DARS2: variants seen among roughly 807,000 people sequenced by gnomAD.
DARS2 encodes the protein aspartyl-tRNA synthetase 2, mitochondrial, also known as aspartate--tRNA ligase, mitochondrial.
A neutral mutation model predicts 83.0 loss-of-function variants in DARS2; 63 were observed. The observed-to-expected ratio is 0.76, with a 90% CI of 0.62 to 0.94. The LOEUF (loss-of-function observed/expected upper bound fraction) is 0.94. DARS2 is among the 40% of genes least tolerant of loss of function. The probability of loss-of-function intolerance (pLI) is 0.00; values close to 1 mark genes in which losing one functional copy is unlikely to be tolerated. For missense variants in DARS2, 675 were observed against 774.4 expected, an observed-to-expected ratio of 0.87 and a Z score of 1.52; for synonymous variants, 250 against 269.3, an observed-to-expected ratio of 0.93 and a Z score of 0.70.
intron 5 of DARS2, among the ~76,000 whole-genome samples, chr1:173,832,876 G>A (rs761579624): frequency 6.6e-6 from 1 of 151,704 alleles, no homozygotes; most frequent in South Asian, 2.1e-4. Flanking sequence ...TGTAGTCAGC[G>A]TCCCATTCAG....
At chr1:173,838,510 G>A (rs1653089998) in intron 9 of DARS2, among the ~76,000 whole-genome samples, 1 of 151,692 alleles carries the variant, frequency 6.6e-6, no homozygotes, top group Admixed American at 6.6e-5. Flanking sequence ...TAGTATGTGT[G>A]CTGCCAAAAC....
intron 12 of DARS2, 62 bp from the exon 13 acceptor site, chr1:173,850,265 T>C: frequency 4.7e-6 from 7 of 1,479,920 alleles, no homozygotes; most frequent in Non-Finnish European, 6.3e-6. Flanking sequence ...TATAAGAAGA[T>C]AAATTAATCC....
Position 173,824,805 on chromosome 1 carries a change from T to TA in DARS2, c.-424dup, listed in dbSNP as rs2102628863. ...TCTGCGAGATTTGAAACGCGACTGT[T>TA]ACTCCTTGTTTTCCGGTTCTGGCCG... On this transcript the variant is annotated 5_prime_UTR_variant, in exon 1 of 17. Transcript: ENST00000649689. 4.9e-6 allele frequency: 1 copy of TA among 205,620 alleles called. No homozygotes were observed. The highest frequency in any genetic ancestry group is 2.3e-5 in the African/African-American group (1 of 43,104). The allele number at this position is 205,620 out of a possible 1,614,324, so 12.7% of individuals were successfully genotyped here.
intron 8 of DARS2, 87 bp downstream of exon 8, chr1:173,837,133 CAA>C: frequency 8.4e-7 from 1 of 1,185,844 alleles, no homozygotes. Context: ...TCTCTGTTCT[CAA>C]GAGAAGGATA....
chr1:173,846,757 C>A (rs1473961987), intron 12 of DARS2, among the ~76,000 whole-genome samples: 1 of 151,962 alleles, frequency 6.6e-6, no homozygotes, highest in East Asian at 1.9e-4. Flanking sequence ...GTTCACCCCA[C>A]CGCACTCCAG....
intron 5 of DARS2, among the ~76,000 whole-genome samples, chr1:173,833,041 A>G (rs1652853242): frequency 1.3e-5 from 2 of 152,170 alleles, no homozygotes; most frequent in Non-Finnish European, 2.9e-5. Flanking sequence ...CAGATACAGC[A>G]TAATGGTGCT....
intron 7 of DARS2, 54 bp downstream of exon 7, chr1:173,834,573 T>G (rs1652907101): frequency 2.9e-6 from 4 of 1,399,078 alleles, no homozygotes; most frequent in Non-Finnish European, 4.1e-6. Context: ...GTTATAAAGC[T>G]AGACTACTTT....
Position 173,825,355 on chromosome 1 carries a change from A to T in DARS2, c.126A>T (p.Pro42=). ...TGCAGAGTTCACAGAGGAGAATTCC[A>T]GGTGAAAATAGCGAAGAGATCTATC... ...SLLQSSQRRI[P]EFSSFVVRTN... Residue 42 remains proline (P), a splice_region_variant and synonymous_variant, in exon 1 of 17, where the codon CCA becomes CCT. Transcript: ENST00000649689. The T allele has an allele frequency of 6.2e-7, 1 of 1,612,816 alleles. No individual in the cohort carries two copies. The highest frequency in any genetic ancestry group is 8.5e-7 in the Non-Finnish European group (1 of 1,179,200).
chr1:173,835,429 C>A lies in DARS2; in HGVS notation c.663+910C>A, dbSNP rs1049699833. On this transcript the variant is annotated intron_variant, in intron 7 of 16. Coordinates refer to ENST00000649689, the MANE Select transcript of DARS2 (RefSeq NM_018122.5). ...TTTAAGAACAAATCTATTGGCCGGG[C>A]GCGGTGGCTCACACATGTAGTCTTA... Among the ~76,000 whole-genome samples, 3 of 149,976 alleles carry A rather than the reference C, an allele frequency of 2.0e-5. No individual in the cohort carries two copies. The East Asian group carries it at 6.3e-4, about 32-fold the overall frequency.
intron 6 of DARS2, 21 bp from the exon 7 acceptor site, chr1:173,834,452 A>T: frequency 6.3e-7 from 1 of 1,585,284 alleles, no homozygotes. Context: ...CTACTAAGTG[A>T]TAATGTTTCT....
At chr1:173,853,251 C>A in intron 13 of DARS2, 98 bp from the exon 14 acceptor site, 1 of 1,201,052 alleles carries the variant, frequency 8.3e-7, no homozygotes, top group Non-Finnish European at 1.2e-6. Flanking sequence ...TTGGCTAATC[C>A]TTTCCTAGAG....
chr1:173,854,490 C>A (rs915507759), intron 15 of DARS2, among the ~76,000 whole-genome samples: 11 of 151,938 alleles, frequency 7.2e-5, no homozygotes, highest in Admixed American at 6.6e-4. Flanking sequence ...ATATTAAATA[C>A]CCTTATTATA....
chr1:173,842,280 C>CTTTTTTTT (rs1653250297), intron 11 of DARS2, among the ~76,000 whole-genome samples: 1 of 61,492 alleles, frequency 1.6e-5, no homozygotes, highest in Non-Finnish European at 3.5e-5. Context: ...AGTCTCATTA[C>CTTTTTTTT]TTTCTTTTTT....
Position 173,853,547 on chromosome 1 carries a change from C to T in DARS2, c.1543C>T (p.Leu515=), listed in dbSNP as rs756848279. Residue 515 remains leucine, a synonymous_variant, in exon 14 of 17, where the codon CTG becomes TTG. Transcript: ENST00000649689. The part of the protein sequence containing the change: ...TAPHPSDIHL[L]YTEPKKARSQ... ...TCCCCACCCCAGTGACATACATCTCCTGTACACTGAGCCCAAAAAGGTACC... is the reference window on the plus strand; with the variant it reads ...TCCCCACCCCAGTGACATACATCTCTTGTACACTGAGCCCAAAAAGGTACC... The T allele has an allele frequency of 6.2e-7, 1 of 1,614,090 alleles. No homozygotes were observed. Among genetic ancestry groups the T allele is most frequent in the Admixed American group, 1.7e-5 (1 of 60,002 alleles).
chr1:173,850,689 T>C (rs1385203209), intron 13 of DARS2, among the ~76,000 whole-genome samples: 2 of 150,600 alleles, frequency 1.3e-5, no homozygotes, highest in Non-Finnish European at 3.0e-5. Context: ...CACTGCAACC[T>C]CCGCCTCCCG....
In DARS2 at chr1:173,840,951, C is replaced by T. The variant is rs1653180402; in HGVS notation, c.1106C>T (p.Ala369Val). The part of the protein sequence containing the change: ...ALSKPHGTVK[A>V]ICIPEGAKYL... Reference sequence around the variant, plus strand: ...AGTAAGCCCCATGGAACTGTGAAAGCCATATGTATCCCTGAAGGAGCAGTA... The same window carrying T: ...AGTAAGCCCCATGGAACTGTGAAAGTCATATGTATCCCTGAAGGAGCAGTA... The change falls in exon 11 of 17, where the codon GCC (alanine) becomes GTC (valine). Residue 369 changes from alanine (A) to valine (V), a missense_variant. By Grantham distance (64) the Ala-to-Val change is moderately conservative. Coordinates refer to ENST00000649689, the MANE Select transcript of DARS2 (RefSeq NM_018122.5). The T allele has an allele frequency of 6.2e-7, 1 of 1,605,244 alleles. No homozygotes were observed. The highest frequency in any genetic ancestry group is 8.5e-7 in the Non-Finnish European group (1 of 1,171,972).
chr1:173,846,720 C>G (rs907681876), intron 12 of DARS2, among the ~76,000 whole-genome samples: 5 of 151,730 alleles, frequency 3.3e-5, no homozygotes, highest in Non-Finnish European at 5.9e-5. Context: ...CACTTGAGCC[C>G]AGGAGATCGA....
At chr1:173,839,594 G>A (rs1653134373) in intron 10 of DARS2, 48 bp downstream of exon 10, 1 of 1,570,602 alleles carries the variant, frequency 6.4e-7, no homozygotes. Flanking sequence ...TAATCCTGCA[G>A]TCTTTTTAAA....
Position 173,826,797 on chromosome 1 carries a change from A to G in DARS2, c.227+11A>G, listed in dbSNP as rs2102634125. 1 of 1,590,832 alleles carries G rather than the reference A, an allele frequency of 6.3e-7. No individual in the cohort carries two copies. Among genetic ancestry groups the G allele is most frequent in the Non-Finnish European group, 8.6e-7 (1 of 1,158,882 alleles). ...GATTCAGTACCGAAGGTAAATTGAG[A>G]AAGACAGTCTAAGAATGCATGGTGG... is the stretch of plus-strand genomic sequence containing the variant. On this transcript the variant is annotated intron_variant, in intron 2 of 16. Coordinates refer to ENST00000649689, the MANE Select transcript of DARS2 (RefSeq NM_018122.5).
Sources: allele counts gnomAD v4.1 joint callset (sites outside exome capture counted in the v4.1 genomes callset), GRCh38; gene constraint gnomAD v4.1.1; transcripts MANE v1.5; gene names NCBI Gene and HGNC (gene_info 2026-07-23, HGNC 2026-07-21).